SNTG2: variants seen among roughly 807,000 people sequenced by gnomAD.
The protein encoded by SNTG2 is gamma-2-syntrophin.
A neutral mutation model predicts 70.9 loss-of-function variants in SNTG2; 74 were observed. The ratio of observed to expected loss-of-function variants is 1.04; its 90% CI spans 0.86 to 1.27. The LOEUF is 1.27. SNTG2 is among the 50% of genes most tolerant of loss of function. The pLI, the probability that SNTG2 is intolerant of heterozygous loss-of-function variation, is 0.00. For missense variants in SNTG2, 717 were observed against 690.7 expected, an observed-to-expected ratio of 1.04 and a Z score of -0.43; for synonymous variants, 278 against 273.8, an observed-to-expected ratio of 1.02 and a Z score of -0.15.
chr2:1,015,088 A>T (rs1659847165), intron 1 of SNTG2, among the ~76,000 whole-genome samples: 1 of 152,134 alleles, frequency 6.6e-6, no homozygotes, highest in Non-Finnish European at 1.5e-5. Context: ...CGCAGGCGGG[A>T]AACCTTGGGA....
At chr2:1,152,371 A>G (rs1028333499) in intron 6 of SNTG2, among the ~76,000 whole-genome samples, 1 of 152,254 alleles carries the variant, frequency 6.6e-6, no homozygotes, top group African/African-American at 2.4e-5. Flanking sequence ...GTGCACATGC[A>G]TGTACGTGTG....
chr2:1,360,156 C>T (rs1374177109), intron 16 of SNTG2, among the ~76,000 whole-genome samples: 1 of 152,194 alleles, frequency 6.6e-6, no homozygotes, highest in Non-Finnish European at 1.5e-5. Flanking sequence ...TAGAGACACA[C>T]ATTTATCCTC....
chr2:1,082,259 G>T (rs766410979), intron 1 of SNTG2, among the ~76,000 whole-genome samples: 20 of 152,110 alleles, frequency 1.3e-4, no homozygotes, highest in Non-Finnish European at 2.6e-4. Flanking sequence ...TATTTGATGA[G>T]CTGGTTTTTT....
intron 1 of SNTG2, among the ~76,000 whole-genome samples, chr2:1,056,957 G>T (rs1572325953): frequency 0.02 from 9 of 456 alleles, no homozygotes; most frequent in Non-Finnish European, 0.057. Flanking sequence ...CCCGCTGTGG[G>T]GAGGGAGGGA....
intron 14 of SNTG2, among the ~76,000 whole-genome samples, chr2:1,302,012 A>G (rs1187819325): frequency 6.6e-6 from 1 of 150,560 alleles, no homozygotes; most frequent in South Asian, 2.1e-4. Flanking sequence ...CCCAGGCTGG[A>G]GTGCAGTGGT....
At chr2:1,286,191 C>T (rs1200221138) in intron 14 of SNTG2, among the ~76,000 whole-genome samples, 1 of 152,062 alleles carries the variant, frequency 6.6e-6, no homozygotes, top group East Asian at 1.9e-4. Flanking sequence ...GTCGAGGGAA[C>T]TGGAAACAGA....
intron 4 of SNTG2, among the ~76,000 whole-genome samples, chr2:1,111,870 C>G (rs1003881842): frequency 5.1e-4 from 76 of 147,944 alleles, no homozygotes; most frequent in Admixed American, 8.0e-4. Flanking sequence ...AACCCTTATA[C>G]TCCTTTGAGG....
intron 14 of SNTG2, among the ~76,000 whole-genome samples, chr2:1,297,585 A>G (rs958028807): frequency 1.3e-5 from 2 of 151,192 alleles, no homozygotes; most frequent in African/African-American, 2.4e-5. Flanking sequence ...GCTCCTTCCC[A>G]GCGGCCCAGC....
At chr2:1,090,913 T>G (rs1159661952) in intron 2 of SNTG2, among the ~76,000 whole-genome samples, 2 of 152,218 alleles carry the variant, frequency 1.3e-5, no homozygotes, top group Non-Finnish European at 2.9e-5. Context: ...AAGCTGCTTA[T>G]CTCCAGCCTC....
intron 13 of SNTG2, among the ~76,000 whole-genome samples, chr2:1,259,879 T>C (rs1460506667): frequency 6.6e-6 from 1 of 152,196 alleles, no homozygotes; most frequent in African/African-American, 2.4e-5. Context: ...TGAGCCTTCC[T>C]CCAGGGGACA....
intron 8 of SNTG2, among the ~76,000 whole-genome samples, chr2:1,197,411 T>G (rs1672974892): frequency 2.7e-5 from 4 of 149,890 alleles, no homozygotes; most frequent in Non-Finnish European, 5.9e-5. Context: ...GATCAATTCA[T>G]CAAAAGTCTA....
intron 9 of SNTG2, among the ~76,000 whole-genome samples, chr2:1,222,097 C>CTCTGTCTCTGTCTCTG (rs1675179498): frequency 6.0e-5 from 1 of 16,660 alleles, no homozygotes; most frequent in Non-Finnish European, 1.3e-4. Context: ...CTCTCTCTGT[C>CTCTGTCTCTGTCTCTG]TCTCTCTGTC....
At chr2:988,745 T>A (rs1352746676) in intron 1 of SNTG2, among the ~76,000 whole-genome samples, 1 of 152,194 alleles carries the variant, frequency 6.6e-6, no homozygotes, top group Admixed American at 6.5e-5. Context: ...TTTTTTGCAT[T>A]TTTATATAAA....
chr2:954,655 C>T (rs1400856857), intron 1 of SNTG2, among the ~76,000 whole-genome samples: 1 of 152,142 alleles, frequency 6.6e-6, no homozygotes, highest in Admixed American at 6.5e-5. Flanking sequence ...GTATTAAATG[C>T]TAAGCTCCCC....
At chr2:1,134,912 G>C (rs114824319) in intron 4 of SNTG2, among the ~76,000 whole-genome samples, 2 of 152,178 alleles carry the variant, frequency 1.3e-5, no homozygotes, top group Admixed American at 6.5e-5. Context: ...GCGCAACACC[G>C]GTGGGCCAGA....
chr2:1,304,685 CA>C (rs1350501198), intron 14 of SNTG2, among the ~76,000 whole-genome samples: 1 of 151,428 alleles, frequency 6.6e-6, no homozygotes, highest in Non-Finnish European at 1.5e-5. Flanking sequence ...GAGATCACCC[CA>C]CTGCACTCCA....
At chr2:977,231 G>A (rs1660935359) in intron 1 of SNTG2, among the ~76,000 whole-genome samples, 1 of 152,206 alleles carries the variant, frequency 6.6e-6, no homozygotes. Context: ...TATTTTATGT[G>A]CAATATTATG....
intron 1 of SNTG2, among the ~76,000 whole-genome samples, chr2:1,015,379 T>C (rs548482910): frequency 7.2e-5 from 11 of 152,196 alleles, no homozygotes; most frequent in Non-Finnish European, 1.5e-4. Flanking sequence ...ATATATATTA[T>C]TTTTCAAAAA....
At chr2:1,314,058 G>T (rs966819820) in intron 15 of SNTG2, among the ~76,000 whole-genome samples, 1 of 152,050 alleles carries the variant, frequency 6.6e-6, no homozygotes, top group African/African-American at 2.4e-5. Flanking sequence ...AGATATTTTT[G>T]CACTTTTTGT....
Sources: allele counts gnomAD v4.1 joint callset (sites outside exome capture counted in the v4.1 genomes callset), GRCh38; gene constraint gnomAD v4.1.1; transcripts MANE v1.5; gene names NCBI Gene and HGNC (gene_info 2026-07-23, HGNC 2026-07-21).